Variants in ITGB8 observed in about 807,000 individuals in gnomAD.
ITGB8 encodes integrin beta-8.
ITGB8 carries 30 observed loss-of-function variants against 89.5 expected under a neutral mutation model. The observed-to-expected ratio is 0.34, with a 90% confidence interval of 0.25 to 0.45. The LOEUF (loss-of-function observed/expected upper bound fraction) is 0.45, where lower values mean the gene tolerates loss of function less well. ITGB8 is among the 20% of genes least tolerant of loss of function. The pLI, the probability that ITGB8 is intolerant of heterozygous loss-of-function variation, is 1.00. For missense variants in ITGB8, 836 were observed against 933.3 expected (o/e 0.90, Z 1.36); for synonymous variants, 335 against 320.4 (o/e 1.05, Z -0.49).
At chr7:20,397,382 C>A (rs7805694) in intron 8 of ITGB8, among the ~76,000 whole-genome samples, 1 of 151,976 alleles carries the variant, frequency 6.6e-6, no homozygotes, top group South Asian at 2.1e-4. Context: ...GTATCACGCA[C>A]ACCCGGCTAA....
At chr7:20,371,469 G>T (rs1212903422) in intron 3 of ITGB8, among the ~76,000 whole-genome samples, 1 of 152,040 alleles carries the variant, frequency 6.6e-6, no homozygotes, top group Non-Finnish European at 1.5e-5. Flanking sequence ...GAAGAAAAAT[G>T]ATCAATTGTG....
intron 9 of ITGB8, 84 bp from the exon 10 acceptor site, chr7:20,401,637 C>A: frequency 1.3e-6 from 1 of 771,552 alleles, no homozygotes; most frequent in Non-Finnish European, 1.9e-6. Flanking sequence ...GGTTTCTTAT[C>A]AATTCAGTTA....
intron 1 of ITGB8, among the ~76,000 whole-genome samples, chr7:20,348,647 G>C (rs1467591849): frequency 6.6e-6 from 1 of 152,188 alleles, no homozygotes; most frequent in Non-Finnish European, 1.5e-5. Context: ...ACTTGGGTAA[G>C]GCAGAATAAC....
chr7:20,412,656 T>C lies in ITGB8; in HGVS notation c.*2659T>C, dbSNP rs1443040285. ...ACTCAGTGTTAGACGATGATTGTGG[T>C]TATGCTTGCAAAGTCTTGTGCTTAT... On this transcript the variant is annotated 3_prime_UTR_variant, in exon 14 of 14. Coordinates refer to ENST00000222573, the MANE Select transcript of ITGB8 (RefSeq NM_002214.3). 6.6e-6 allele frequency: 1 copy of C among 152,642 alleles called. No homozygotes were observed. The highest frequency in any genetic ancestry group is 1.5e-5 in the Non-Finnish European group (1 of 68,034). The allele number at this position is 152,642 out of a possible 1,614,324, so 9.5% of individuals were successfully genotyped here. A position where few individuals can be genotyped will look rare whatever the true frequency, so the allele number is the denominator to read the frequency against.
At chr7:20,407,849 T>G (rs1024856494) in intron 12 of ITGB8, among the ~76,000 whole-genome samples, 6 of 152,222 alleles carry the variant, frequency 3.9e-5, no homozygotes, top group African/African-American at 7.2e-5. Context: ...TAGGCATGAA[T>G]GTTTGACCAC....
intron 9 of ITGB8, among the ~76,000 whole-genome samples, chr7:20,401,417 AGAAATTAATCATCAGT>A (rs1256258163): frequency 1.3e-5 from 2 of 152,216 alleles, no homozygotes; most frequent in Non-Finnish European, 2.9e-5. Context: ...ATGTTTGCTA[AGAAATTAATCATCAGT>A]GATGGGGTAG....
intron 9 of ITGB8, 133 bp downstream of exon 9, chr7:20,399,127 A>T: frequency 1.2e-6 from 1 of 852,456 alleles, no homozygotes; most frequent in Non-Finnish European, 1.8e-6. Flanking sequence ...CTTCAAGGAA[A>T]CTTTCATTGT....
rs745693916 is a variant in ITGB8 at position 20,331,781 on chromosome 7, G to A, written c.-26G>A. On this transcript the variant is annotated 5_prime_UTR_variant, in exon 1 of 14. Transcript: ENST00000222573. ...CGCGTCCGGAAGGCAGTCAGGCGGC[G>A]GGCGCGGGGCGGGCTGTTTTGCATT... 6.2e-7 allele frequency: 1 copy of A among 1,603,092 alleles called. No homozygotes were observed. The highest frequency in any genetic ancestry group is 8.5e-7 in the Non-Finnish European group (1 of 1,175,014).
intron 3 of ITGB8, among the ~76,000 whole-genome samples, chr7:20,367,590 T>C (rs1785754083): frequency 6.6e-6 from 1 of 152,010 alleles, no homozygotes; most frequent in Non-Finnish European, 1.5e-5. Flanking sequence ...GAAGGGATCT[T>C]CCAAAATTAA....
rs1420960860 is a variant in ITGB8 at position 20,410,674 on chromosome 7, C to T, written c.*677C>T. On this transcript the variant is annotated 3_prime_UTR_variant, in exon 14 of 14. Transcript: ENST00000222573. ...CCTTTATGTTTTGTTTTCTTTTTTA[C>T]AGGATAAGTTTATGTATGTCACAGA... The T allele has an allele frequency of 6.6e-6, 1 of 152,664 alleles. No homozygotes were observed. The highest frequency in any genetic ancestry group is 1.9e-4 in the East Asian group (1 of 5,186). The allele number at this position is 152,664 out of a possible 1,614,324, so 9.5% of individuals were successfully genotyped here.
At chr7:20,384,369 G>T (rs1448837854) in intron 6 of ITGB8, among the ~76,000 whole-genome samples, 1 of 152,120 alleles carries the variant, frequency 6.6e-6, no homozygotes, top group East Asian at 1.9e-4. Context: ...AATTACATGG[G>T]ACAGAGTTCT....
At chr7:20,342,785 C>T (rs935040522) in intron 1 of ITGB8, among the ~76,000 whole-genome samples, 2 of 152,114 alleles carry the variant, frequency 1.3e-5, no homozygotes, top group Admixed American at 6.5e-5. Context: ...GATATTCACA[C>T]TGCATTTGAG....
chr7:20,341,094 T>G (rs1295436390), intron 1 of ITGB8, among the ~76,000 whole-genome samples: 1 of 152,186 alleles, frequency 6.6e-6, no homozygotes, highest in Non-Finnish European at 1.5e-5. Flanking sequence ...ACAAAGACAC[T>G]ATTGTAGCAG....
Position 20,410,295 on chromosome 7 carries a change from T to G in ITGB8, c.*298T>G, listed in dbSNP as rs1787713397. The G allele has an allele frequency of 3.3e-6, 1 of 300,934 alleles. No homozygotes were observed. Among genetic ancestry groups the G allele is most frequent in the Non-Finnish European group, 6.2e-6 (1 of 160,510 alleles). 18.6% of individuals were successfully genotyped at this position (300,934 alleles called of 1,614,324 possible). A position where few individuals can be genotyped will look rare whatever the true frequency, so the allele number is the denominator to read the frequency against. ...TGTAGATCCTCTGAAGAGCACTGAT[T>G]ACACTTTACAGGTACCTGTTATCCC... On this transcript the variant is annotated 3_prime_UTR_variant, in exon 14 of 14. Coordinates refer to ENST00000222573, the MANE Select transcript of ITGB8 (RefSeq NM_002214.3).
intron 1 of ITGB8, among the ~76,000 whole-genome samples, chr7:20,337,125 A>G (rs1191816550): frequency 1.3e-5 from 2 of 152,184 alleles, no homozygotes; most frequent in Non-Finnish European, 2.9e-5. Context: ...CTTGTTTTCA[A>G]ACTTTCTGTG....
rs934386901 is a variant in ITGB8 at position 20,413,486 on chromosome 7, C to A, written c.*3489C>A. The A allele has an allele frequency of 1.3e-4, 20 of 152,558 alleles. No homozygotes were observed. The highest frequency in any genetic ancestry group is 4.8e-4 in the African/African-American group (20 of 41,556). 9.5% of individuals were successfully genotyped at this position (152,558 alleles called of 1,614,324 possible). A position where few individuals can be genotyped will look rare whatever the true frequency, so the allele number is the denominator to read the frequency against. ...CTGTAGAATTATATTCTTCCTGGAA[C>A]CTGGTAGAGTAGATTAGACTCAAAG... On this transcript the variant is annotated 3_prime_UTR_variant, in exon 14 of 14. Transcript: ENST00000222573.
At chr7:20,381,966 T>G (rs1221314809) in intron 6 of ITGB8, 81 bp downstream of exon 6, 3 of 1,180,096 alleles carry the variant, frequency 2.5e-6, no homozygotes, top group Non-Finnish European at 3.6e-6. Context: ...ACTATTTTTG[T>G]ACCAGGAAAT....
intron 8 of ITGB8, 73 bp downstream of exon 8, chr7:20,395,058 G>A: frequency 2.4e-6 from 2 of 834,572 alleles, no homozygotes; most frequent in Non-Finnish European, 3.9e-6. Context: ...ACAAAGTAGT[G>A]CCATGTCATC....
rs1784408561 is a variant in ITGB8 at position 20,331,815 on chromosome 7, C to T, written c.9C>T (p.Gly3=). 2 of 1,612,774 alleles carry T rather than the reference C, an allele frequency of 1.2e-6. No homozygotes were observed. Among genetic ancestry groups the T allele is most frequent in the South Asian group, 1.1e-5 (1 of 91,026 alleles). MC[G]SALAFFTAAF... ...GCGGGCTGTTTTGCATTATGTGCGG[C>T]TCGGCCCTGGCTTTTTTTACCGCTG... Residue 3 remains glycine (G), a synonymous_variant, in exon 1 of 14, where the codon GGC becomes GGT. Transcript: ENST00000222573.
Sources: gnomAD v4.1 joint callset for allele counts (sites outside exome capture counted in the v4.1 genomes callset) on GRCh38, gnomAD v4.1.1 for gene constraint, MANE v1.5 for transcripts, NCBI Gene and HGNC (gene_info 2026-07-23, HGNC 2026-07-21) for gene names.